TCF12: variants seen among roughly 807,000 people sequenced by gnomAD.
TCF12 encodes transcription factor 12, also known as DNA-binding protein HTF4.
In TCF12, 45 loss-of-function variants were observed where a neutral mutation model predicts 86.0. The observed-to-expected ratio is 0.52, with a 90% CI of 0.41 to 0.67. The LOEUF (loss-of-function observed/expected upper bound fraction) is 0.67, where lower values mean the gene tolerates loss of function less well. Ranked by LOEUF, TCF12 falls within the 30% of genes least tolerant of loss-of-function variation. TCF12 has a pLI of 0.00. For missense variants in TCF12, 881 were observed against 859.9 expected (o/e 1.02, Z -0.31); for synonymous variants, 330 against 299.6 (o/e 1.10, Z -1.05).
intron 3 of TCF12, among the ~76,000 whole-genome samples, chr15:56,933,908 T>G (rs1441916086): frequency 6.6e-6 from 1 of 151,752 alleles, no homozygotes; most frequent in Non-Finnish European, 1.5e-5. Context: ...ATTTTACATA[T>G]AAATATATAT....
chr15:57,259,280 T>A (rs2060479880), intron 16 of TCF12, among the ~76,000 whole-genome samples: 3 of 152,170 alleles, frequency 2.0e-5, no homozygotes, highest in South Asian at 2.1e-4. Flanking sequence ...TCTCTTCAGA[T>A]AAATCAAAAT....
At chr15:56,919,720 G>A in intron 1 of TCF12, 172 bp from the exon 2 acceptor site, 1 of 495,928 alleles carries the variant, frequency 2.0e-6, no homozygotes, top group Non-Finnish European at 3.5e-6. Context: ...CCCGGCGCGG[G>A]CACTGAGCCC....
chr15:57,016,602 G>A lies in TCF12; in HGVS notation c.149-47148G>A, dbSNP rs1200805412. ...GTTGGTCAGATTAATCAGCTTGGTTGATAGAATGGCATACTTATAGAAAAA... is the reference window on the plus strand; with the variant it reads ...GTTGGTCAGATTAATCAGCTTGGTTAATAGAATGGCATACTTATAGAAAAA... On this transcript the variant is annotated intron_variant, in intron 3 of 20. Transcript: ENST00000333725. 2.0e-5 allele frequency among the ~76,000 whole-genome samples: 3 copies of A among 152,052 alleles called. No homozygotes were observed. In the East Asian group the frequency reaches 5.8e-4, roughly 29 times the overall value.
chr15:57,031,572 A>G (rs1211633480), intron 3 of TCF12, among the ~76,000 whole-genome samples: 1 of 152,196 alleles, frequency 6.6e-6, no homozygotes, highest in South Asian at 2.1e-4. Flanking sequence ...AACACACAGC[A>G]CTCTTTCTTT....
intron 19 of TCF12, chr15:57,282,110 G>A (rs8024901): frequency 0.33 from 111,190 of 337,792 alleles, 24,349 homozygotes; most frequent in African/African-American, 0.76. Context: ...TCAGTGTACC[G>A]TGTCTTAGTA....
At chr15:56,958,324 C>G (rs1348273452) in intron 3 of TCF12, among the ~76,000 whole-genome samples, 1 of 152,124 alleles carries the variant, frequency 6.6e-6, no homozygotes, top group African/African-American at 2.4e-5. Flanking sequence ...GTTTCTTTTC[C>G]CTTAGAGATG....
intron 3 of TCF12, among the ~76,000 whole-genome samples, chr15:56,993,005 T>A (rs1353512841): frequency 6.6e-6 from 1 of 152,170 alleles, no homozygotes; most frequent in African/African-American, 2.4e-5. Flanking sequence ...ATGGAACTCT[T>A]CTGGACTCTG....
intron 8 of TCF12, among the ~76,000 whole-genome samples, chr15:57,223,417 T>G (rs1177319962): frequency 6.6e-6 from 1 of 151,978 alleles, no homozygotes; most frequent in Non-Finnish European, 1.5e-5. Context: ...AAAACGTAAC[T>G]GGGAAAAGCA....
intron 3 of TCF12, among the ~76,000 whole-genome samples, chr15:57,029,884 A>T (rs1242090803): frequency 1.3e-5 from 2 of 152,194 alleles, no homozygotes; most frequent in Admixed American, 6.5e-5. Context: ...TACATGTGAG[A>T]TTCAACTATG....
At position 57,087,051 on chromosome 15, in the gene TCF12, GTCTCCCTCTGTCTCCCTCTC is replaced by G. The variant is rs1223379274; in HGVS notation, c.223-4718_223-4699del. On this transcript the variant is annotated intron_variant, in intron 4 of 20. Transcript: ENST00000333725. Reference sequence around the variant, plus strand: ...TGTCTCTTCCCCTCTCTCTCCCTCTGTCTCCCTCTGTCTCCCTCTCTCTCCCTCTGTCTCCCTCTGTCTCC... The same window carrying G: ...TGTCTCTTCCCCTCTCTCTCCCTCTGTCTCCCTCTGTCTCCCTCTGTCTCC... 7.3e-3 allele frequency among the ~76,000 whole-genome samples: 1,035 copies of G among 141,260 alleles called. 26 individuals are homozygous for G. The highest frequency in any genetic ancestry group is 0.052 in the Admixed American group (709 of 13,554). The allele number at this position is 141,260 out of a possible 152,430, so 92.7% of individuals were successfully genotyped here.
chr15:57,050,285 T>C (rs2067521801), intron 3 of TCF12, among the ~76,000 whole-genome samples: 1 of 152,134 alleles, frequency 6.6e-6, no homozygotes, highest in Non-Finnish European at 1.5e-5. Context: ...GAATTTTATC[T>C]GGTATTATTT....
At chr15:56,933,565 A>G (rs2060338501) in intron 3 of TCF12, among the ~76,000 whole-genome samples, 1 of 152,222 alleles carries the variant, frequency 6.6e-6, no homozygotes, top group Non-Finnish European at 1.5e-5. Flanking sequence ...ATCCTAGGGC[A>G]GAATATTTTA....
intron 3 of TCF12, among the ~76,000 whole-genome samples, chr15:56,968,246 T>G (rs1270555756): frequency 6.6e-6 from 1 of 152,174 alleles, no homozygotes; most frequent in Non-Finnish European, 1.5e-5. Flanking sequence ...CGTGAGCCAC[T>G]GCGCGCAGTC....
chr15:57,161,122 G>A (rs190835260), intron 5 of TCF12, among the ~76,000 whole-genome samples: 30 of 152,322 alleles, frequency 2.0e-4, no homozygotes, highest in Admixed American at 1.9e-3. Context: ...GAGATGGGGA[G>A]AAATGGGAAT....
intron 7 of TCF12, among the ~76,000 whole-genome samples, chr15:57,194,899 A>G (rs1375021586): frequency 6.6e-6 from 1 of 151,980 alleles, no homozygotes; most frequent in African/African-American, 2.4e-5. Context: ...ATTCACTTAT[A>G]TTTATGTATT....
At chr15:57,039,986 A>G (rs2066785489) in intron 3 of TCF12, among the ~76,000 whole-genome samples, 1 of 152,094 alleles carries the variant, frequency 6.6e-6, no homozygotes, top group African/African-American at 2.4e-5. Context: ...AAATTATTTC[A>G]GGCCTCTCTT....
At chr15:56,919,664 GC>G (rs2059683542) in intron 1 of TCF12, 1 of 351,656 alleles carries the variant, frequency 2.8e-6, no homozygotes, top group African/African-American at 2.2e-5. Flanking sequence ...TGCGGGAGCC[GC>G]CGCGTCGATC....
At chr15:57,049,113 A>G (rs756243505) in intron 3 of TCF12, among the ~76,000 whole-genome samples, 4 of 152,286 alleles carry the variant, frequency 2.6e-5, no homozygotes, top group South Asian at 4.1e-4. Flanking sequence ...AGGGAGAGGT[A>G]TAAAGGTCTT....
At chr15:56,954,920 T>C (rs1595840359) in intron 3 of TCF12, among the ~76,000 whole-genome samples, 1 of 152,118 alleles carries the variant, frequency 6.6e-6, no homozygotes, top group Non-Finnish European at 1.5e-5. Context: ...GGAGAGGATG[T>C]GGAGAAACAG....
Sources: gnomAD v4.1 joint callset for allele counts (sites outside exome capture counted in the v4.1 genomes callset) on GRCh38, gnomAD v4.1.1 for gene constraint, MANE v1.5 for transcripts, NCBI Gene and HGNC (gene_info 2026-07-23, HGNC 2026-07-21) for gene names.